PLXNA4: variants seen among roughly 807,000 people sequenced by gnomAD.
PLXNA4 encodes the protein plexin A4.
In PLXNA4, 44 loss-of-function variants were observed where a neutral mutation model predicts 191.8. The observed-to-expected ratio is 0.23, with a 90% CI of 0.18 to 0.29. The LOEUF (loss-of-function observed/expected upper bound fraction) is 0.29, where lower values mean the gene tolerates loss of function less well. PLXNA4 is among the 10% of genes least tolerant of loss of function. PLXNA4 has a pLI of 1.00. For missense variants in PLXNA4, 1,800 were observed against 2,488.8 expected, an observed-to-expected ratio of 0.72 and a Z score of 5.89; for synonymous variants, 1,082 against 1,009.5, an observed-to-expected ratio of 1.07 and a Z score of -1.36.
At chr7:132,562,809 TCCTCCTTCTCCTC>T (rs1801294659) in intron 1 of PLXNA4, among the ~76,000 whole-genome samples, 1 of 117,454 alleles carries the variant, frequency 8.5e-6, no homozygotes, top group Non-Finnish European at 1.7e-5. Context: ...CTCCTTCTCC[TCCTCCTTCTCCTC>T]CTCCTTCTCC....
intron 3 of PLXNA4, among the ~76,000 whole-genome samples, chr7:132,438,587 T>C (rs1422793591): frequency 6.6e-6 from 1 of 152,206 alleles, no homozygotes; most frequent in Non-Finnish European, 1.5e-5. Context: ...CTAACATATA[T>C]TTAAAAGTAT....
rs1800024843 is a variant in PLXNA4, at chr7:132,540,482, G to A, written c.-86-31703C>T. 2.7e-5 allele frequency among the ~76,000 whole-genome samples: 4 copies of A among 149,768 alleles called. 1 individual carries two copies. The South Asian group carries it at 8.5e-4, about 32-fold the overall frequency. ...CCAGGCAAACATTTTCCAACACGGT[G>A]TTAGTAGGAATTCCCCAAATTTCCC... On this transcript the variant is annotated intron_variant, in intron 1 of 31. Transcript: ENST00000321063.
At chr7:132,219,633 C>T (rs1798078944) in intron 9 of PLXNA4, among the ~76,000 whole-genome samples, 1 of 152,084 alleles carries the variant, frequency 6.6e-6, no homozygotes, top group African/African-American at 2.4e-5. Flanking sequence ...GGGGCTTCCA[C>T]AAAATCACCT....
chr7:132,227,376 C>T, intron 7 of PLXNA4, 75 bp downstream of exon 7: 5 of 1,586,044 alleles, frequency 3.2e-6, no homozygotes, highest in Non-Finnish European at 3.4e-6. Flanking sequence ...TTTGATCCCC[C>T]CACATCTGTC....
chr7:132,481,817 G>A (rs112011725), intron 3 of PLXNA4, among the ~76,000 whole-genome samples: 2,044 of 152,246 alleles, frequency 0.013, 28 homozygotes, highest in Middle Eastern at 0.051. Context: ...CCAGATGAAC[G>A]GAGCACCTGG....
chr7:132,364,070 A>T (rs1804056852), intron 3 of PLXNA4, among the ~76,000 whole-genome samples: 1 of 152,182 alleles, frequency 6.6e-6, no homozygotes, highest in Non-Finnish European at 1.5e-5. Context: ...GGGGAAGAAC[A>T]TTCTCACTCA....
chr7:132,448,273 G>A (rs1276870584), intron 3 of PLXNA4, among the ~76,000 whole-genome samples: 2 of 152,186 alleles, frequency 1.3e-5, no homozygotes, highest in African/African-American at 4.8e-5. Flanking sequence ...ACAAGGAGAA[G>A]ACAACTCACA....
chr7:132,392,896 C>T (rs1317788208), intron 3 of PLXNA4, among the ~76,000 whole-genome samples: 3 of 152,208 alleles, frequency 2.0e-5, no homozygotes, highest in Admixed American at 6.5e-5. Context: ...ACCCAGGAGC[C>T]CTAGGAGATG....
Position 132,507,633 on chromosome 7 carries a change from G to A in PLXNA4, c.1061C>T (p.Ala354Val). 6.2e-7 allele frequency: 1 copy of A among 1,614,206 alleles called. No individual in the cohort carries two copies. ...CTGCTTCAAGATGAAGATGCACAGG[G>A]CCGACTCATCCAGGGATTTCATTTT... ...KRKMKSLDES[A>V]LCIFILKQIN... The change falls in exon 2 of 32, where the codon GCC becomes GTC. Residue 354 changes from alanine (A) to valine (V), a missense_variant. By Grantham distance (64) the Ala-to-Val change is moderately conservative (BLOSUM62 0). Around this residue, in one of 6 missense-constraint regions of PLXNA4, gnomAD observed 1,397 missense variants for 1,880.4 expected, o/e 0.74. Coordinates refer to ENST00000321063, the MANE Select transcript of PLXNA4 (RefSeq NM_020911.2).
chr7:132,633,986 A>G (rs1803544982), intron 2 of PLXNA4, among the ~76,000 whole-genome samples: 1 of 151,658 alleles, frequency 6.6e-6, no homozygotes, highest in South Asian at 2.1e-4. Flanking sequence ...ACAAACACAC[A>G]GTGTATGGCA....
At chr7:132,400,674 C>T (rs1054586331) in intron 3 of PLXNA4, among the ~76,000 whole-genome samples, 16 of 152,146 alleles carry the variant, frequency 1.1e-4, no homozygotes, top group Admixed American at 9.2e-4. Flanking sequence ...ATGCATACCA[C>T]GCATTTACTT....
intron 5 of PLXNA4, among the ~76,000 whole-genome samples, chr7:132,240,269 A>G (rs1477445709): frequency 1.3e-5 from 2 of 152,222 alleles, no homozygotes; most frequent in South Asian, 2.1e-4. Flanking sequence ...TTCTCCAGGT[A>G]TTGATGGCAA....
rs1794886199 is a variant in PLXNA4, at chr7:132,130,248, G to A, written c.*231C>T. On this transcript the variant is annotated 3_prime_UTR_variant, in exon 32 of 32. Transcript: ENST00000321063. ...CTTGCCATGGGCCTGGCCATTCTTGGACTAACTGAGGGTCAGTGGCTTGGT... is the reference window on the plus strand; with the variant it reads ...CTTGCCATGGGCCTGGCCATTCTTGAACTAACTGAGGGTCAGTGGCTTGGT... 3 of 553,774 alleles carry A rather than the reference G, an allele frequency of 5.4e-6. No individual in the cohort carries two copies. The highest frequency in any genetic ancestry group is 3.2e-5 in the Admixed American group (1 of 31,400). The allele number at this position is 553,774 out of a possible 1,614,324, so 34.3% of individuals were successfully genotyped here.
Position 132,322,184 on chromosome 7 carries a change from C to CTGTCTTTTTT in PLXNA4, c.1372-23963_1372-23962insAAAAAAGACA, listed in dbSNP as rs376377991. Among the ~76,000 whole-genome samples, 164 of 122,492 alleles carry CTGTCTTTTTT rather than the reference C, an allele frequency of 1.3e-3. 4 individuals are homozygous for CTGTCTTTTTT. The highest frequency in any genetic ancestry group is 4.8e-3 in the African/African-American group (160 of 33,330). The allele number at this position is 122,492 out of a possible 152,430, so 80.4% of individuals were successfully genotyped here. A position where few individuals can be genotyped will look rare whatever the true frequency, so the allele number is the denominator to read the frequency against. On this transcript the variant is annotated intron_variant, in intron 3 of 31. Transcript: ENST00000321063. ...CTAGAGTTCAATTTCCCTAAAAGGGCTTTTTTTTTTTTTTTTTTAACAGAG... is the reference window on the plus strand; with the variant it reads ...CTAGAGTTCAATTTCCCTAAAAGGGCTGTCTTTTTTTTTTTTTTTTTTTTTTTTAACAGAG...
At chr7:132,400,643 G>A (rs905590218) in intron 3 of PLXNA4, among the ~76,000 whole-genome samples, 1 of 152,164 alleles carries the variant, frequency 6.6e-6, no homozygotes, top group Non-Finnish European at 1.5e-5. Context: ...GGAAAGAGAA[G>A]CCTCCAGGGG....
intron 3 of PLXNA4, among the ~76,000 whole-genome samples, chr7:132,336,287 G>T (rs1242428592): frequency 6.6e-6 from 1 of 152,192 alleles, no homozygotes; most frequent in Non-Finnish European, 1.5e-5. Context: ...AACTCCCATT[G>T]AGCTAATGGG....
rs138775210 is a variant in PLXNA4 at position 132,643,907 on chromosome 7, G to A, written c.-87+2021C>T. Among the ~76,000 whole-genome samples, 720 of 151,854 alleles carry A rather than the reference G, an allele frequency of 4.7e-3. 5 individuals are homozygous for A. Among genetic ancestry groups the A allele is most frequent in the Middle Eastern group, 0.017 (5 of 294 alleles). On this transcript the variant is annotated intron_variant, in intron 2 of 4. Coordinates refer to the PLXNA4 transcript ENST00000378539. ...TTTGAGGCTGCAGTGATCTAAGATC[G>A]CACCACTACACTCCAGCCTGGGTGA... is the stretch of plus-strand genomic sequence containing the variant.
chr7:132,177,876 G>A (rs1303655985), intron 20 of PLXNA4, among the ~76,000 whole-genome samples: 1 of 152,212 alleles, frequency 6.6e-6, no homozygotes, highest in African/African-American at 2.4e-5. Context: ...GGATGGAATG[G>A]ATCCACTTCC....
At chr7:132,164,309 A>G (rs1796035170) in intron 23 of PLXNA4, 21 bp from the exon 24 acceptor site, 1 of 1,612,634 alleles carries the variant, frequency 6.2e-7, no homozygotes, top group Non-Finnish European at 8.5e-7. Flanking sequence ...GAAGAACGTC[A>G]TTAGGAGGAG....
Sources: allele counts gnomAD v4.1 joint callset (sites outside exome capture counted in the v4.1 genomes callset), GRCh38; gene constraint gnomAD v4.1.1; regional missense constraint gnomAD v4.1.1; transcripts MANE v1.5; gene names NCBI Gene and HGNC (gene_info 2026-07-23, HGNC 2026-07-21).